Variants in PAX5 observed in about 807,000 individuals in gnomAD.
PAX5 encodes the protein paired box 5.
A neutral mutation model predicts 43.7 loss-of-function variants in PAX5; 9 were observed. The observed-to-expected ratio is 0.21, with a 90% CI of 0.12 to 0.36. The LOEUF (loss-of-function observed/expected upper bound fraction) is 0.36. Ranked by LOEUF, PAX5 falls within the 10% of genes least tolerant of loss-of-function variation. The pLI, the probability that PAX5 is intolerant of heterozygous loss-of-function variation, is 1.00. For missense variants in PAX5, 383 were observed against 532.7 expected (o/e 0.72, Z 2.77); for synonymous variants, 228 against 214.3 (o/e 1.06, Z -0.56).
intron 2 of PAX5, among the ~76,000 whole-genome samples, chr9:37,017,190 C>T (rs755220967): frequency 3.3e-5 from 5 of 152,212 alleles, no homozygotes; most frequent in Non-Finnish European, 5.9e-5. Flanking sequence ...ATACAACTCA[C>T]TATAATTCAG....
intron 8 of PAX5, among the ~76,000 whole-genome samples, chr9:36,852,796 T>G (rs1823289705): frequency 6.6e-6 from 1 of 152,136 alleles, no homozygotes; most frequent in African/African-American, 2.4e-5. Context: ...GGATGAACTT[T>G]AGAGATACGT....
At chr9:36,842,408 T>C (rs1241758133) in intron 9 of PAX5, among the ~76,000 whole-genome samples, 1 of 152,044 alleles carries the variant, frequency 6.6e-6, no homozygotes, top group Non-Finnish European at 1.5e-5. Flanking sequence ...TAGAGTCTTC[T>C]CCTTGGAGGA....
intron 7 of PAX5, among the ~76,000 whole-genome samples, chr9:36,920,534 T>C (rs1238847785): frequency 1.3e-5 from 2 of 152,214 alleles, no homozygotes; most frequent in Admixed American, 6.5e-5. Context: ...TTAAGGTATG[T>C]GTCTTTTAAA....
intron 4 of PAX5, 76 bp downstream of exon 4, chr9:37,006,397 A>G: frequency 1.8e-6 from 2 of 1,098,642 alleles, no homozygotes; most frequent in Admixed American, 3.5e-5. Context: ...TTATCTGTCC[A>G]TAAGAATGAT....
At chr9:36,859,199 A>G (rs927098613) in intron 8 of PAX5, among the ~76,000 whole-genome samples, 18 of 152,064 alleles carry the variant, frequency 1.2e-4, no homozygotes, top group African/African-American at 3.9e-4. Context: ...AGAGGCGGAG[A>G]TGAATCAGAC....
intron 6 of PAX5, among the ~76,000 whole-genome samples, chr9:36,958,908 G>T (rs932146342): frequency 6.6e-6 from 1 of 152,192 alleles, no homozygotes; most frequent in Non-Finnish European, 1.5e-5. Context: ...ACTGTCTGGA[G>T]GCAGCAAGGC....
At chr9:36,888,207 AG>A in intron 7 of PAX5, among the ~76,000 whole-genome samples, 1 of 152,364 alleles carries the variant, frequency 6.6e-6, no homozygotes. Flanking sequence ...GCTTTGGAAA[AG>A]TCTGGCAGTT....
At chr9:36,934,498 G>A (rs1030342704) in intron 6 of PAX5, among the ~76,000 whole-genome samples, 3 of 152,218 alleles carry the variant, frequency 2.0e-5, no homozygotes, top group Non-Finnish European at 4.4e-5. Context: ...GGTAAAGGGT[G>A]TATAGGAGTC....
In PAX5 at chr9:37,013,724, TG is replaced by T. The variant is rs554521059; in HGVS notation, c.410+1272del. Among the ~76,000 whole-genome samples the T allele has an allele frequency of 5.3e-5, 8 of 152,330 alleles. No individual in the cohort carries two copies. The South Asian group carries it at 1.7e-3, about 32-fold the overall frequency. ...CCCCACCCTGGACAAAGAGCCCCTCTGGAACAGACCAAGAAACTGTGTGCCT... is the reference window on the plus strand; with the variant it reads ...CCCCACCCTGGACAAAGAGCCCCTCTGAACAGACCAAGAAACTGTGTGCCT... On this transcript the variant is annotated intron_variant, in intron 3 of 9. Transcript: ENST00000358127.
intron 5 of PAX5, 99 bp downstream of exon 5, chr9:37,002,549 G>C (rs1023734135): frequency 3.6e-5 from 47 of 1,309,338 alleles, no homozygotes; most frequent in Middle Eastern, 5.1e-4. Context: ...TGCAGGTAAG[G>C]GGGGTGTTCG....
chr9:36,872,894 G>C (rs1825611822), intron 8 of PAX5, among the ~76,000 whole-genome samples: 1 of 152,098 alleles, frequency 6.6e-6, no homozygotes. Flanking sequence ...CTGAGGTGTG[G>C]GTGTGACTGG....
chr9:37,022,999 T>C (rs1468237179), intron 1 of PAX5, among the ~76,000 whole-genome samples: 1 of 151,924 alleles, frequency 6.6e-6, no homozygotes, highest in African/African-American at 2.4e-5. Context: ...GTGAGGAAGG[T>C]CACTTACTCT....
chr9:37,026,064 C>G, intron 1 of PAX5, among the ~76,000 whole-genome samples: 1 of 152,236 alleles, frequency 6.6e-6, no homozygotes, highest in East Asian at 1.9e-4. Flanking sequence ...ACCTCTTCCT[C>G]CACACATACA....
At chr9:36,974,466 C>G (rs1486221880) in intron 5 of PAX5, among the ~76,000 whole-genome samples, 1 of 152,182 alleles carries the variant, frequency 6.6e-6, no homozygotes, top group African/African-American at 2.4e-5. Flanking sequence ...TCTTATTCCA[C>G]TTTACAGATG....
chr9:36,899,432 C>A (rs1387075843), intron 7 of PAX5, among the ~76,000 whole-genome samples: 1 of 152,236 alleles, frequency 6.6e-6, no homozygotes, highest in African/African-American at 2.4e-5. Flanking sequence ...TGAAGCTAAA[C>A]AAATGCCTAG....
intron 5 of PAX5, among the ~76,000 whole-genome samples, chr9:36,982,812 A>G (rs1836054865): frequency 6.6e-6 from 1 of 152,182 alleles, no homozygotes; most frequent in Non-Finnish European, 1.5e-5. Flanking sequence ...CAATGGGTGC[A>G]CAATACCTGC....
intron 5 of PAX5, among the ~76,000 whole-genome samples, chr9:36,983,982 T>C (rs1265184086): frequency 6.6e-6 from 1 of 152,222 alleles, no homozygotes; most frequent in African/African-American, 2.4e-5. Flanking sequence ...TCCTTGATCA[T>C]GAATAGTAAA....
intron 6 of PAX5, among the ~76,000 whole-genome samples, chr9:36,956,792 T>A (rs965693695): frequency 3.9e-5 from 6 of 152,140 alleles, no homozygotes; most frequent in African/African-American, 1.4e-4. Flanking sequence ...TTGGGTCACT[T>A]TGAGATGATG....
chr9:36,902,128 A>G (rs562570127), intron 7 of PAX5, among the ~76,000 whole-genome samples: 2 of 152,230 alleles, frequency 1.3e-5, no homozygotes, highest in African/African-American at 4.8e-5. Flanking sequence ...TCAAGCAAAG[A>G]AAGGTGAGAG....
Sources: allele counts gnomAD v4.1 joint callset (sites outside exome capture counted in the v4.1 genomes callset), GRCh38; gene constraint gnomAD v4.1.1; transcripts MANE v1.5; gene names NCBI Gene and HGNC (gene_info 2026-07-23, HGNC 2026-07-21).